The following MTMR9 variants were observed in gnomAD, a reference collection of about 807,000 sequenced individuals.
MTMR9 encodes myotubularin related protein 9.
In MTMR9, 39 loss-of-function variants were observed where a neutral mutation model predicts 69.5. The ratio of observed to expected loss-of-function variants is 0.56; its 90% CI spans 0.43 to 0.73. MTMR9 has a LOEUF of 0.73. Ranked by LOEUF, MTMR9 falls within the 30% of genes least tolerant of loss-of-function variation. The pLI, the probability that MTMR9 is intolerant of heterozygous loss-of-function variation, is 0.00. For synonymous variants in MTMR9, 354 were observed against 240.8 expected, an observed-to-expected ratio of 1.47 and a Z score of -4.35; for missense variants, 900 against 671.2, an observed-to-expected ratio of 1.34 and a Z score of -3.77.
Position 11,324,712 on chromosome 8 carries a change from C to T in MTMR9, c.*1924C>T, listed in dbSNP as rs1478439839. 6.6e-6 allele frequency: 1 copy of T among 152,056 alleles called. No individual in the cohort carries two copies. Among genetic ancestry groups the T allele is most frequent in the Non-Finnish European group, 1.5e-5 (1 of 68,026 alleles). 9.4% of individuals were successfully genotyped at this position (152,056 alleles called of 1,614,324 possible). The stretch of plus-strand genomic sequence containing the variant: ...TTTCTTTAGAAGTGACTCCCATTAG[C>T]CTGGTGTGGTGGTGTGTGCCTATAG... On this transcript the variant is annotated 3_prime_UTR_variant, in exon 10 of 10. Transcript: ENST00000221086.
At chr8:11,298,725 C>CT (rs1327313517) in intron 2 of MTMR9, 5 of 906,798 alleles carry the variant, frequency 5.5e-6, no homozygotes, top group Non-Finnish European at 5.3e-6. Flanking sequence ...GCTGCACCCC[C>CT]CCCCCGCCAT....
At chr8:11,291,775 A>G (rs904759380) in intron 1 of MTMR9, among the ~76,000 whole-genome samples, 2 of 152,196 alleles carry the variant, frequency 1.3e-5, no homozygotes, top group African/African-American at 4.8e-5. Flanking sequence ...GGAAATTTAC[A>G]AGAGAATAAC....
At chr8:11,295,377 A>G (rs1799518177) in intron 2 of MTMR9, 75 bp downstream of exon 2, 1 of 881,270 alleles carries the variant, frequency 1.1e-6, no homozygotes, top group South Asian at 1.4e-5. Flanking sequence ...CCATTTCTTC[A>G]TTAGATAATT....
At chr8:11,302,063 A>G (rs1322285126) in intron 3 of MTMR9, among the ~76,000 whole-genome samples, 1 of 152,044 alleles carries the variant, frequency 6.6e-6, no homozygotes, top group East Asian at 1.9e-4. Flanking sequence ...GTTTGAGACC[A>G]GCCTAGGCAA....
intron 1 of MTMR9, among the ~76,000 whole-genome samples, chr8:11,291,764 T>G (rs1159537037): frequency 6.6e-6 from 1 of 152,170 alleles, no homozygotes; most frequent in Non-Finnish European, 1.5e-5. Context: ...ATAGATGATA[T>G]GGAAATTTAC....
In MTMR9 at chr8:11,306,414, G is replaced by A. The variant is rs367865386; in HGVS notation, c.809+7G>A. ...TTCATAAGTCCATTGAGAGGTAAAA[G>A]ATTCCAAAGATAGTACAGACTCTTA... is the stretch of plus-strand genomic sequence containing the variant. On this transcript the variant is annotated splice_region_variant and intron_variant, in intron 5 of 9. Coordinates refer to ENST00000221086, the MANE Select transcript of MTMR9 (RefSeq NM_015458.4). The A allele has an allele frequency of 3.4e-5, 55 of 1,612,596 alleles. No homozygotes were observed. Among genetic ancestry groups the A allele is most frequent in the Non-Finnish European group, 4.6e-5 (54 of 1,178,850 alleles).
At chr8:11,305,416 A>G (rs1799903033) in intron 4 of MTMR9, among the ~76,000 whole-genome samples, 1 of 152,232 alleles carries the variant, frequency 6.6e-6, no homozygotes, top group Non-Finnish European at 1.5e-5. Flanking sequence ...ATTTATTTTC[A>G]AAGGTGAAAA....
rs187694766 is a variant in MTMR9, at chr8:11,308,175, G to T, written c.810-1352G>T. On this transcript the variant is annotated intron_variant, in intron 5 of 9. Transcript: ENST00000221086. ...CCTCTAATGATTTTTACAGTTTCAG[G>T]CCTTATGTTTAAGTCTTTAATCTAC... 4.0e-4 allele frequency among the ~76,000 whole-genome samples: 61 copies of T among 152,206 alleles called. 2 individuals carry two copies. The East Asian group carries it at 0.012, about 29-fold the overall frequency.
chr8:11,288,064 A>G (rs1239058953), intron 1 of MTMR9, among the ~76,000 whole-genome samples: 10 of 130,596 alleles, frequency 7.7e-5, no homozygotes, highest in East Asian at 2.1e-4. Context: ...TATATAATAT[A>G]TATTATATTT....
At chr8:11,295,328 A>AG in intron 2 of MTMR9, 26 bp downstream of exon 2, 2 of 1,231,386 alleles carry the variant, frequency 1.6e-6, no homozygotes, top group African/African-American at 3.0e-5. Context: ...GCAAAATCTA[A>AG]TGAAACATAA....
chr8:11,331,672 C>A, downstream of MTMR9: 2 of 1,612,140 alleles, frequency 1.2e-6, no homozygotes, highest in Non-Finnish European at 1.7e-6. Flanking sequence ...GGTGTCTACA[C>A]CACCCTGGGC....
chr8:11,328,346 T>C (rs867359350), downstream of MTMR9, among the ~76,000 whole-genome samples: 13 of 137,000 alleles, frequency 9.5e-5, no homozygotes, highest in African/African-American at 3.6e-4. Flanking sequence ...TAATACCACG[T>C]GTGTGTGTGT....
At chr8:11,321,346 A>T (rs768054772) in intron 9 of MTMR9, 1 of 453,732 alleles carries the variant, frequency 2.2e-6, no homozygotes, top group Non-Finnish European at 4.4e-6. Context: ...ACGAGAGGTT[A>T]CAGTATTCTT....
chr8:11,329,578 G>A (rs1801112739), downstream of MTMR9, among the ~76,000 whole-genome samples: 1 of 152,268 alleles, frequency 6.6e-6, no homozygotes, highest in Admixed American at 6.5e-5. Context: ...GGCCTCCTGA[G>A]GTGCCGGGAT....
At chr8:11,321,578 G>A (rs927072415) in intron 9 of MTMR9, 6 of 450,054 alleles carry the variant, frequency 1.3e-5, no homozygotes, top group South Asian at 9.4e-5. Flanking sequence ...TTCAGTGTGT[G>A]TTTCATGCTC....
intron 6 of MTMR9, 78 bp from the exon 7 acceptor site, chr8:11,314,845 T>G (rs1273653457): frequency 2.1e-6 from 3 of 1,441,208 alleles, no homozygotes; most frequent in Non-Finnish European, 2.9e-6. Context: ...TTGTGCTCAA[T>G]AAACGCTTGT....
chr8:11,290,015 C>T (rs1799323982), intron 1 of MTMR9, among the ~76,000 whole-genome samples: 2 of 152,152 alleles, frequency 1.3e-5, no homozygotes, highest in Admixed American at 1.3e-4. Context: ...AAAGTAGGTG[C>T]GTATCTCATT....
intron 3 of MTMR9, among the ~76,000 whole-genome samples, chr8:11,302,408 A>C (rs2117394729): frequency 6.6e-6 from 1 of 152,182 alleles, no homozygotes; most frequent in South Asian, 2.1e-4. Context: ...ATACCATACA[A>C]GATAATAAAA....
At chr8:11,299,577 T>C (rs572103062) in intron 2 of MTMR9, among the ~76,000 whole-genome samples, 2 of 152,320 alleles carry the variant, frequency 1.3e-5, no homozygotes, top group East Asian at 3.9e-4. Context: ...ATCATCCTTT[T>C]TTACAGTTAC....
Sources: allele counts gnomAD v4.1 joint callset (sites outside exome capture counted in the v4.1 genomes callset), GRCh38; gene constraint gnomAD v4.1.1; transcripts MANE v1.5; gene names NCBI Gene and HGNC (gene_info 2026-07-23, HGNC 2026-07-21).